The following ABCA13 variants were observed in gnomAD, a reference collection of about 807,000 sequenced individuals.
ABCA13 encodes the protein ATP binding cassette subfamily A member 13, also known as ATP-binding cassette sub-family A member 13.
Under a neutral mutation model 478.7 loss-of-function variants are expected in ABCA13, and 476 were observed. That is an observed-to-expected ratio of 0.99 (90% CI 0.92 to 1.07). The LOEUF (loss-of-function observed/expected upper bound fraction) is 1.07. ABCA13 is among the 50% of genes least tolerant of loss of function. The pLI, the probability that ABCA13 is intolerant of heterozygous loss-of-function variation, is 0.00. For synonymous variants in ABCA13, 2,252 were observed against 2,158.9 expected (o/e 1.04, Z -1.20); for missense variants, 6,060 against 5,910.6 (o/e 1.03, Z -0.83).
At position 48,645,576 on chromosome 7, in the gene ABCA13, A is replaced by G; in HGVS notation, c.*64A>G. ...TCCATTACAATTAACAGTCAAGGAT[A>G]AAACAAGCACGCGCACAATCAAGGA... On this transcript the variant is annotated 3_prime_UTR_variant, in exon 62 of 62. Coordinates refer to ENST00000435803, the MANE Select transcript of ABCA13 (RefSeq NM_152701.5). 3.0e-6 allele frequency: 4 copies of G among 1,347,960 alleles called. No individual in the cohort carries two copies. The allele number at this position is 1,347,960 out of a possible 1,614,324, so 83.5% of individuals were successfully genotyped here.
intron 30 of ABCA13, among the ~76,000 whole-genome samples, chr7:48,351,027 C>G (rs986737568): frequency 3.3e-5 from 5 of 152,128 alleles, no homozygotes; most frequent in African/African-American, 1.2e-4. Context: ...AAAAGTTGTA[C>G]CTTATGCCAT....
chr7:48,273,422 AG>A lies in ABCA13; in HGVS notation c.3757del (p.Val1253TrpfsTer15). ...CAGTAAAAAAACTTAACTTGGAGCA[AG>A]TGGAGAAATCCCTTTTCACCATGGA... Reference protein sequence around the residue: ...VSVKKLNLEQVEKSLFTMEAA... With the variant: ...VSVKKLNLEQXEKSLFTMEAA... On this transcript the variant is annotated frameshift_variant, in exon 17 of 62. Coordinates refer to ENST00000435803, the MANE Select transcript of ABCA13 (RefSeq NM_152701.5). LOFTEE classifies it high-confidence loss of function. 6.2e-7 allele frequency: 1 copy of A among 1,613,398 alleles called. No homozygotes were observed. Among genetic ancestry groups the A allele is most frequent in the Non-Finnish European group, 8.5e-7 (1 of 1,179,656 alleles).
In ABCA13 at chr7:48,273,767, C is replaced by T. The variant is rs1188411566; in HGVS notation, c.4101C>T (p.Thr1367=). 9.9e-6 allele frequency: 16 copies of T among 1,610,664 alleles called. No individual in the cohort carries two copies. The highest frequency in any genetic ancestry group is 2.2e-5 in the East Asian group (1 of 44,752). ...AAGATGGCTTTTTATATGTAAATAC[C>T]TCACAGAGGATGTTACGTATTCTAG... is the stretch of plus-strand genomic sequence containing the variant. ...ILEDGFLYVN[T]SQRMLRILDT... is the part of the protein sequence containing the mutation. Residue 1367 remains threonine, a synonymous_variant, in exon 17 of 62, where the codon ACC becomes ACT. Transcript: ENST00000435803.
intron 14 of ABCA13, 23 bp downstream of exon 14, chr7:48,248,467 A>G (rs1283428272): frequency 9.8e-6 from 15 of 1,523,084 alleles, no homozygotes; most frequent in Non-Finnish European, 1.1e-5. Flanking sequence ...TTGGTGGGAA[A>G]CTTATAAACA....
chr7:48,225,968 C>T (rs1788148798), intron 5 of ABCA13, among the ~76,000 whole-genome samples: 3 of 151,832 alleles, frequency 2.0e-5, no homozygotes, highest in East Asian at 3.9e-4. Flanking sequence ...AGGGAAAGAT[C>T]ATCCAGGAAT....
chr7:48,452,105 G>T (rs1175257262), intron 42 of ABCA13, among the ~76,000 whole-genome samples: 1 of 152,136 alleles, frequency 6.6e-6, no homozygotes, highest in Non-Finnish European at 1.5e-5. Flanking sequence ...TATACGGGAA[G>T]GTGGAGAAAA....
chr7:48,626,039 C>A (rs550785817), intron 59 of ABCA13, among the ~76,000 whole-genome samples: 1 of 152,132 alleles, frequency 6.6e-6, no homozygotes, highest in African/African-American at 2.4e-5. Flanking sequence ...GATAATTGTT[C>A]TAAGAGACTG....
chr7:48,289,749 G>A (rs777198419), intron 20 of ABCA13, among the ~76,000 whole-genome samples: 4 of 152,210 alleles, frequency 2.6e-5, no homozygotes, highest in Non-Finnish European at 5.9e-5. Flanking sequence ...CTCAAAGACT[G>A]TATTTATAGT....
At chr7:48,475,653 A>G (rs916670135) in intron 45 of ABCA13, among the ~76,000 whole-genome samples, 1 of 151,716 alleles carries the variant, frequency 6.6e-6, no homozygotes, top group Non-Finnish European at 1.5e-5. Context: ...TTTAGTAGAG[A>G]TGGGGTTTCA....
At chr7:48,454,964 A>C in intron 42 of ABCA13, 73 bp from the exon 43 acceptor site, 2 of 1,404,998 alleles carry the variant, frequency 1.4e-6, no homozygotes, top group Non-Finnish European at 1.9e-6. Flanking sequence ...GGTCACCGAG[A>C]GGGCAAACGA....
intron 27 of ABCA13, among the ~76,000 whole-genome samples, chr7:48,333,825 C>T (rs1672108387): frequency 6.6e-6 from 1 of 152,176 alleles, no homozygotes; most frequent in Admixed American, 6.5e-5. Flanking sequence ...CATCAGGAGC[C>T]ATCCTGCTGT....
At chr7:48,496,933 G>C (rs2130772787) in intron 48 of ABCA13, among the ~76,000 whole-genome samples, 1 of 151,410 alleles carries the variant, frequency 6.6e-6, no homozygotes, top group Non-Finnish European at 1.5e-5. Context: ...TATCCTATTT[G>C]GGATTTATTT....
intron 38 of ABCA13, among the ~76,000 whole-genome samples, chr7:48,398,958 G>A (rs967959149): frequency 7.2e-5 from 11 of 152,166 alleles, no homozygotes; most frequent in African/African-American, 1.9e-4. Context: ...TGATCAGACC[G>A]TAAATGCTGT....
Position 48,364,844 on chromosome 7 carries a change from A to G in ABCA13, c.10689-2950A>G, listed in dbSNP as rs532281257. On this transcript the variant is annotated intron_variant, in intron 31 of 61. Coordinates refer to ENST00000435803, the MANE Select transcript of ABCA13 (RefSeq NM_152701.5). ...CTTAGGTTGATTCCATATCTTAGCT[A>G]TTGTGAATAAGTCTGCAATAAACAT... Among the ~76,000 whole-genome samples the G allele has an allele frequency of 1.4e-4, 21 of 152,222 alleles. No individual in the cohort carries two copies. In the South Asian group the frequency reaches 4.4e-3, roughly 32 times the overall value.
intron 45 of ABCA13, 64 bp downstream of exon 45, chr7:48,471,663 C>A (rs1827513567): frequency 2.1e-6 from 3 of 1,399,446 alleles, no homozygotes; most frequent in African/African-American, 2.9e-5. Flanking sequence ...AATGAGTTTA[C>A]CCTATCTATA....
intron 58 of ABCA13, among the ~76,000 whole-genome samples, chr7:48,607,923 C>T (rs1791634887): frequency 6.6e-6 from 1 of 152,096 alleles, no homozygotes; most frequent in African/African-American, 2.4e-5. Context: ...TTCTGTTGCC[C>T]AGGCTGGAGT....
At chr7:48,514,418 T>C (rs1388567083) in intron 51 of ABCA13, among the ~76,000 whole-genome samples, 1 of 152,168 alleles carries the variant, frequency 6.6e-6, no homozygotes, top group African/African-American at 2.4e-5. Context: ...TAAAGGACTG[T>C]CACATGGAAA....
rs538170114 is a variant in ABCA13, at chr7:48,600,854, G to A, written c.14744+6041G>A. 6.6e-5 allele frequency among the ~76,000 whole-genome samples: 10 copies of A among 152,192 alleles called. No homozygotes were observed. In the South Asian group the frequency reaches 8.3e-4, roughly 13 times the overall value. On this transcript the variant is annotated intron_variant, in intron 58 of 61. Transcript: ENST00000435803. ...AATCCATACAATTGTCATTTCTGAC[G>A]CATATCTGTCCATATGAAAAATGTG...
In ABCA13 at chr7:48,222,685, G is replaced by A. The variant is rs544785881; in HGVS notation, c.468+1376G>A. Reference sequence around the variant, plus strand: ...ATGTTTGCGATGTAAAAACATTTCGGTGCAAAGAATTGAAGGAAAAAAGAT... The same window carrying A: ...ATGTTTGCGATGTAAAAACATTTCGATGCAAAGAATTGAAGGAAAAAAGAT... On this transcript the variant is annotated intron_variant, in intron 5 of 61. Transcript: ENST00000435803. 3.9e-5 allele frequency among the ~76,000 whole-genome samples: 6 copies of A among 152,196 alleles called. 1 individual carries two copies. In the East Asian group the frequency reaches 9.6e-4, roughly 24 times the overall value.
Sources: allele counts gnomAD v4.1 joint callset (sites outside exome capture counted in the v4.1 genomes callset), GRCh38; gene constraint gnomAD v4.1.1; transcripts MANE v1.5; gene names NCBI Gene and HGNC (gene_info 2026-07-23, HGNC 2026-07-21).